Variants in RAB6B observed in about 807,000 individuals in gnomAD.
RAB6B encodes RAB6B, member RAS oncogene family.
RAB6B carries 7 observed loss-of-function variants against 31.2 expected under a neutral mutation model. That is an observed-to-expected ratio of 0.22 (90% CI 0.13 to 0.42). The LOEUF (loss-of-function observed/expected upper bound fraction) is 0.42. RAB6B is among the 10% of genes least tolerant of loss of function. The pLI is 1.00. For synonymous variants in RAB6B, 105 were observed against 104.9 expected, an observed-to-expected ratio of 1.00 and a Z score of -0.01; for missense variants, 149 against 280.6, an observed-to-expected ratio of 0.53 and a Z score of 3.35.
Position 133,824,799 on chromosome 3 carries a change from G to C in RAB6B, c.*3989C>G, listed in dbSNP as rs576353975. 1 of 152,176 alleles carries C rather than the reference G, an allele frequency of 6.6e-6. No individual in the cohort carries two copies. The highest frequency in any genetic ancestry group is 1.5e-5 in the Non-Finnish European group (1 of 68,000). The allele number at this position is 152,176 out of a possible 1,614,324, so 9.4% of individuals were successfully genotyped here. A position where few individuals can be genotyped will look rare whatever the true frequency, so the allele number is the denominator to read the frequency against. ...TAACCAAAAAGAGTAGAGATGGTCT[G>C]AGGAACACACCCACACACAGCAGTC... On this transcript the variant is annotated 3_prime_UTR_variant, in exon 8 of 8. Coordinates refer to ENST00000285208, the MANE Select transcript of RAB6B (RefSeq NM_016577.4).
At chr3:133,894,779 G>C (rs1936683914) in intron 1 of RAB6B, 1 of 152,440 alleles carries the variant, frequency 6.6e-6, no homozygotes, top group South Asian at 2.1e-4. Context: ...CGTGAGCCAG[G>C]GGAGGTAGGC....
intron 1 of RAB6B, among the ~76,000 whole-genome samples, chr3:133,870,788 T>C (rs1936312647): frequency 6.6e-6 from 1 of 150,376 alleles, no homozygotes; most frequent in Non-Finnish European, 1.5e-5. Flanking sequence ...AAGCTTATTT[T>C]TCACTATTGG....
At chr3:133,858,972 G>T (rs982203470) in intron 2 of RAB6B, among the ~76,000 whole-genome samples, 1 of 152,114 alleles carries the variant, frequency 6.6e-6, no homozygotes, top group African/African-American at 2.4e-5. Context: ...ATGTATGTAT[G>T]TATTTATTAA....
chr3:133,841,217 G>GC, intron 4 of RAB6B, 68 bp downstream of exon 4: 1 of 1,452,696 alleles, frequency 6.9e-7, no homozygotes, highest in Non-Finnish European at 9.7e-7. Context: ...CACAGGCCTG[G>GC]CCAGGGTCAC....
intron 1 of RAB6B, among the ~76,000 whole-genome samples, chr3:133,877,370 C>T (rs1936411204): frequency 6.6e-6 from 1 of 152,186 alleles, no homozygotes; most frequent in Non-Finnish European, 1.5e-5. Flanking sequence ...GGAAACAGTG[C>T]TTGGCATCCA....
intron 1 of RAB6B, among the ~76,000 whole-genome samples, chr3:133,886,922 G>A (rs529814868): frequency 6.6e-6 from 1 of 152,030 alleles, no homozygotes; most frequent in African/African-American, 2.4e-5. Context: ...TGAGGAAAAT[G>A]AGCACAGGTG....
chr3:133,868,691 A>G (rs1410185515), intron 1 of RAB6B, among the ~76,000 whole-genome samples: 1 of 152,214 alleles, frequency 6.6e-6, no homozygotes, highest in African/African-American at 2.4e-5. Context: ...TTAGTCCCAC[A>G]TGATTAAGCA....
At chr3:133,839,445 C>A in intron 5 of RAB6B, 61 bp downstream of exon 5, 1 of 1,412,726 alleles carries the variant, frequency 7.1e-7, no homozygotes, top group Non-Finnish European at 1.0e-6. Context: ...AGCTCCCTGT[C>A]CAGGAGCAGT....
At chr3:133,863,400 T>C (rs761921970) in intron 2 of RAB6B, among the ~76,000 whole-genome samples, 2 of 152,236 alleles carry the variant, frequency 1.3e-5, no homozygotes, top group Non-Finnish European at 2.9e-5. Flanking sequence ...AGCTGCAGTC[T>C]GCAGTGAGCT....
chr3:133,887,157 C>A (rs1174890982), intron 1 of RAB6B, among the ~76,000 whole-genome samples: 1 of 152,188 alleles, frequency 6.6e-6, no homozygotes, highest in African/African-American at 2.4e-5. Context: ...GAAAGGGGTG[C>A]CCCTGGGCTA....
At chr3:133,855,629 T>C (rs1041181646) in intron 2 of RAB6B, among the ~76,000 whole-genome samples, 7 of 152,152 alleles carry the variant, frequency 4.6e-5, no homozygotes, top group Non-Finnish European at 1.0e-4. Flanking sequence ...GTGCCAGCCC[T>C]CCCCTCAACT....
rs542458343 is a variant in RAB6B at position 133,867,881 on chromosome 3, T to C, written c.71-3239A>G. Among the ~76,000 whole-genome samples the C allele has an allele frequency of 4.5e-4, 69 of 152,310 alleles. 1 individual carries two copies. The highest frequency in any genetic ancestry group is 1.6e-3 in the African/African-American group (67 of 41,562). On this transcript the variant is annotated intron_variant, in intron 1 of 7. Coordinates refer to ENST00000285208, the MANE Select transcript of RAB6B (RefSeq NM_016577.4). ...ATGACTTTACACTATTCCTCTAGGC[T>C]CATTTTTCTCATTTCTCGGAGCTGA...
intron 7 of RAB6B, among the ~76,000 whole-genome samples, chr3:133,834,006 T>C (rs1249346701): frequency 6.6e-6 from 1 of 152,350 alleles, no homozygotes; most frequent in Admixed American, 6.5e-5. Context: ...CAAACCAGAC[T>C]ACCTCTCTGA....
chr3:133,829,048 C>G (rs1935617757), intron 7 of RAB6B, among the ~76,000 whole-genome samples, 196 bp from the exon 8 acceptor site: 1 of 152,170 alleles, frequency 6.6e-6, no homozygotes, highest in Non-Finnish European at 1.5e-5. Context: ...GTCCACTTCC[C>G]CCAGCGCCTG....
intron 1 of RAB6B, among the ~76,000 whole-genome samples, chr3:133,875,803 G>T (rs986749321): frequency 1.3e-5 from 2 of 152,124 alleles, no homozygotes; most frequent in African/African-American, 4.8e-5. Context: ...ATGACTTGGG[G>T]TACATTGCCC....
chr3:133,827,648 CAT>C lies in RAB6B; in HGVS notation c.*1138_*1139del, dbSNP rs1271141131. 2.0e-5 allele frequency: 11 copies of C among 539,904 alleles called. No homozygotes were observed. The highest frequency in any genetic ancestry group is 1.3e-4 in the African/African-American group (7 of 52,260). 33.4% of individuals were successfully genotyped at this position (539,904 alleles called of 1,614,324 possible). The stretch of plus-strand genomic sequence containing the variant: ...CTGCGCCATGCCACTGGGGTGAAAA[CAT>C]AGCAACAAATCAGCTTTTCCAGAAA... On this transcript the variant is annotated 3_prime_UTR_variant, in exon 8 of 8. Transcript: ENST00000285208.
rs1427344002 is a variant in RAB6B, at chr3:133,828,436, CA to C, written c.*351del. 3 of 380,266 alleles carry C rather than the reference CA, an allele frequency of 7.9e-6. No individual in the cohort carries two copies. The highest frequency in any genetic ancestry group is 1.4e-5 in the Non-Finnish European group (3 of 210,912). The allele number at this position is 380,266 out of a possible 1,614,324, so 23.6% of individuals were successfully genotyped here. Reference sequence around the variant, plus strand: ...GGTTCTCTATAAGTTTACAAATATACAAAAACAAAAAGCACATCTTTCAAAT... The same window carrying C: ...GGTTCTCTATAAGTTTACAAATATACAAAACAAAAAGCACATCTTTCAAAT... On this transcript the variant is annotated 3_prime_UTR_variant, in exon 8 of 8. Transcript: ENST00000285208.
chr3:133,853,306 T>G (rs1936027858), intron 2 of RAB6B, among the ~76,000 whole-genome samples: 1 of 152,108 alleles, frequency 6.6e-6, no homozygotes, highest in South Asian at 2.1e-4. Flanking sequence ...TATTTGCATG[T>G]AGAAGTATGT....
At chr3:133,885,993 G>A (rs959456658) in intron 1 of RAB6B, among the ~76,000 whole-genome samples, 1 of 152,078 alleles carries the variant, frequency 6.6e-6, no homozygotes, top group African/African-American at 2.4e-5. Context: ...ATGTCCCTCT[G>A]GGTCAAAACT....
Sources: gnomAD v4.1 joint callset for allele counts (sites outside exome capture counted in the v4.1 genomes callset) on GRCh38, gnomAD v4.1.1 for gene constraint, MANE v1.5 for transcripts, NCBI Gene and HGNC (gene_info 2026-07-23, HGNC 2026-07-21) for gene names.